ANKS1A: variants seen among roughly 807,000 people sequenced by gnomAD.
ANKS1A encodes the protein ankyrin repeat and SAM domain-containing protein 1A.
Under a neutral mutation model 120.3 loss-of-function variants are expected in ANKS1A, and 55 were observed. That is an observed-to-expected ratio of 0.46 (90% confidence interval 0.37 to 0.57). ANKS1A has a LOEUF of 0.57. ANKS1A is among the 20% of genes least tolerant of loss of function. The probability of loss-of-function intolerance (pLI) is 0.00; values close to 1 mark genes in which losing one functional copy is unlikely to be tolerated. For missense variants in ANKS1A, 1,123 were observed against 1,480.3 expected (o/e 0.76, Z 3.96); for synonymous variants, 590 against 604.7 (o/e 0.98, Z 0.36).
intron 1 of ANKS1A, among the ~76,000 whole-genome samples, chr6:34,900,410 T>C (rs1016161665): frequency 6.6e-6 from 1 of 152,210 alleles, no homozygotes; most frequent in Admixed American, 6.5e-5. Flanking sequence ...CTAAGCACTT[T>C]ACAAGTATTA....
downstream of ANKS1A, among the ~76,000 whole-genome samples, chr6:35,095,257 T>G (rs1409395319): frequency 6.6e-6 from 1 of 150,470 alleles, no homozygotes; most frequent in Non-Finnish European, 1.5e-5. Context: ...CCAGATAAAC[T>G]CTGCGAAAGT....
At chr6:35,037,522 A>G (rs1413521638) in intron 11 of ANKS1A, among the ~76,000 whole-genome samples, 1 of 152,202 alleles carries the variant, frequency 6.6e-6, no homozygotes, top group Non-Finnish European at 1.5e-5. Flanking sequence ...GTTACCCAGC[A>G]GGTTACCCCT....
At chr6:34,937,977 AGCTTCT>A (rs150176749) in intron 1 of ANKS1A, among the ~76,000 whole-genome samples, 1,581 of 152,226 alleles carry the variant, frequency 0.01, 10 homozygotes, top group Non-Finnish European at 0.016. Flanking sequence ...ATGCTTCCAC[AGCTTCT>A]CCCACCCTAC....
chr6:35,033,711 A>C (rs1025820207), intron 11 of ANKS1A, among the ~76,000 whole-genome samples: 1 of 152,350 alleles, frequency 6.6e-6, no homozygotes, highest in Middle Eastern at 3.4e-3. Flanking sequence ...AAAGATTCCA[A>C]TGTAAAATCT....
intron 1 of ANKS1A, among the ~76,000 whole-genome samples, chr6:34,915,461 C>A (rs1473307853): frequency 2.0e-5 from 3 of 152,028 alleles, no homozygotes; most frequent in African/African-American, 7.2e-5. Context: ...AGCCTCCTGC[C>A]CCAACCTCCC....
intron 1 of ANKS1A, among the ~76,000 whole-genome samples, chr6:34,946,329 T>G (rs1219023482): frequency 6.6e-6 from 1 of 151,900 alleles, no homozygotes; most frequent in Non-Finnish European, 1.5e-5. Context: ...GGCTTATGCC[T>G]GTAATCCCAG....
At chr6:35,087,140 C>A in intron 23 of ANKS1A, 91 bp downstream of exon 23, 2 of 1,310,976 alleles carry the variant, frequency 1.5e-6, no homozygotes, top group Non-Finnish European at 2.2e-6. Flanking sequence ...CTGTCCTCAA[C>A]TCTCTCCTTC....
chr6:35,056,772 G>T (rs949619919), intron 12 of ANKS1A, among the ~76,000 whole-genome samples: 1 of 152,130 alleles, frequency 6.6e-6, no homozygotes, highest in Admixed American at 6.5e-5. Context: ...TAAACAGCGG[G>T]TTCATCCACC....
intron 1 of ANKS1A, among the ~76,000 whole-genome samples, chr6:34,952,235 C>T (rs1164782055): frequency 6.6e-6 from 1 of 152,106 alleles, no homozygotes; most frequent in Non-Finnish European, 1.5e-5. Flanking sequence ...GTATACTTGG[C>T]CCATAGTAAA....
Position 35,060,233 on chromosome 6 carries a change from T to C in ANKS1A, c.2164T>C (p.Phe722Leu). ...QYESKLLLNG[F>L]DDVHFLGSNV... ...TGAGAGCAAGTTGCTTCTGAATGGCTTTGACGATGTCCACTTCCTGGTAAG... is the reference window on the plus strand; with the variant it reads ...TGAGAGCAAGTTGCTTCTGAATGGCCTTGACGATGTCCACTTCCTGGTAAG... The change falls in exon 13 of 24, where the codon TTT becomes CTT. Residue 722 changes from phenylalanine (F) to leucine (L), a missense_variant. Phe to Leu is a conservative substitution (Grantham distance 22). Coordinates refer to ENST00000360359, the MANE Select transcript of ANKS1A (RefSeq NM_015245.3). The surrounding 1 kb of genome is among the most constrained non-coding windows in gnomAD (Gnocchi z 4.5). 1 of 1,612,106 alleles carries C rather than the reference T, an allele frequency of 6.2e-7. No homozygotes were observed. The highest frequency in any genetic ancestry group is 8.5e-7 in the Non-Finnish European group (1 of 1,179,628).
intron 1 of ANKS1A, among the ~76,000 whole-genome samples, chr6:34,937,527 C>T (rs544866983): frequency 6.6e-6 from 1 of 151,938 alleles, no homozygotes; most frequent in Admixed American, 6.6e-5. Context: ...ATCAGACATG[C>T]TATTGTGGAG....
At chr6:34,994,895 G>A (rs1198677711) in intron 10 of ANKS1A, among the ~76,000 whole-genome samples, 5 of 152,170 alleles carry the variant, frequency 3.3e-5, no homozygotes, top group East Asian at 1.9e-4. Context: ...GTGCTCTGTC[G>A]CCTTGGCCTA....
intron 1 of ANKS1A, among the ~76,000 whole-genome samples, chr6:34,891,962 A>G (rs1198127958): frequency 6.6e-6 from 1 of 152,174 alleles, no homozygotes; most frequent in East Asian, 1.9e-4. Context: ...TCACTCGGAG[A>G]CTATTGAAAT....
At chr6:34,897,582 C>A (rs569740830) in intron 1 of ANKS1A, among the ~76,000 whole-genome samples, 1 of 152,066 alleles carries the variant, frequency 6.6e-6, no homozygotes, top group Non-Finnish European at 1.5e-5. Flanking sequence ...ATTTCCCACA[C>A]TGATTTCCAA....
chr6:34,990,653 C>T (rs1772455294), intron 9 of ANKS1A, among the ~76,000 whole-genome samples: 1 of 152,182 alleles, frequency 6.6e-6, no homozygotes, highest in South Asian at 2.1e-4. Flanking sequence ...ATACCCAGAA[C>T]TTTCTATTCT....
downstream of ANKS1A, among the ~76,000 whole-genome samples, chr6:35,092,035 C>G (rs1000240976): frequency 1.3e-5 from 2 of 152,218 alleles, no homozygotes; most frequent in African/African-American, 4.8e-5. Flanking sequence ...GGCCCCTTCA[C>G]TGATGGAGCA....
chr6:35,044,538 T>C lies in ANKS1A; in HGVS notation c.2011-9561T>C, dbSNP rs1408748094. Among the ~76,000 whole-genome samples, 1 of 152,210 alleles carries C rather than the reference T, an allele frequency of 6.6e-6. No individual in the cohort carries two copies. On this transcript the variant is annotated intron_variant, in intron 11 of 23. Transcript: ENST00000360359. The surrounding 1 kb of genome is among the most constrained non-coding windows in gnomAD (Gnocchi z 4.4). ...GAGACCCTGTTCCCTCTCCTCACTT[T>C]GGTATTGTCTTGGATCCTCCGGTTT... is the stretch of plus-strand genomic sequence containing the variant.
intron 7 of ANKS1A, among the ~76,000 whole-genome samples, 159 bp from the exon 8 acceptor site, chr6:34,984,923 T>C (rs1216700284): frequency 6.6e-6 from 1 of 152,030 alleles, no homozygotes; most frequent in Non-Finnish European, 1.5e-5. Flanking sequence ...CAGCTGAAAC[T>C]ATACGTATTC....
At chr6:34,937,319 A>G (rs1029119882) in intron 1 of ANKS1A, among the ~76,000 whole-genome samples, 3 of 151,370 alleles carry the variant, frequency 2.0e-5, no homozygotes, top group Non-Finnish European at 2.9e-5. Context: ...AAATATATAT[A>G]TATATATTTT....
Sources: allele counts gnomAD v4.1 joint callset (sites outside exome capture counted in the v4.1 genomes callset), GRCh38; gene constraint gnomAD v4.1.1; non-coding constraint Gnocchi (gnomAD v3.1); transcripts MANE v1.5; gene names NCBI Gene and HGNC (gene_info 2026-07-23, HGNC 2026-07-21).